Variants in DNAH3 observed in about 807,000 individuals in gnomAD.
DNAH3 encodes the protein axonemal beta dynein heavy chain 3.
Under a neutral mutation model 432.5 loss-of-function variants are expected in DNAH3, and 332 were observed. The ratio of observed to expected loss-of-function variants is 0.77; its 90% CI spans 0.70 to 0.84. The LOEUF (loss-of-function observed/expected upper bound fraction) is 0.84. DNAH3 is among the 40% of genes least tolerant of loss of function. The pLI is 0.00. For missense variants in DNAH3, 4,861 were observed against 5,114.0 expected (o/e 0.95, Z 1.51); for synonymous variants, 1,956 against 1,900.2 (o/e 1.03, Z -0.76).
At chr16:21,108,667 C>A (rs572749087) in intron 14 of DNAH3, among the ~76,000 whole-genome samples, 29 of 152,300 alleles carry the variant, frequency 1.9e-4, no homozygotes, top group African/African-American at 6.0e-4. Flanking sequence ...GACATGAGCC[C>A]AGGAGGTCGA....
chr16:20,953,343 G>T (rs1490473982), intron 55 of DNAH3, among the ~76,000 whole-genome samples: 1 of 152,024 alleles, frequency 6.6e-6, no homozygotes, highest in Non-Finnish European at 1.5e-5. Flanking sequence ...AGTTTTAGTA[G>T]AGACGGGGAT....
intron 56 of DNAH3, among the ~76,000 whole-genome samples, chr16:20,949,486 T>C (rs1315945966): frequency 2.0e-5 from 3 of 152,214 alleles, no homozygotes; most frequent in Non-Finnish European, 4.4e-5. Flanking sequence ...GTGCCTAATT[T>C]ATAAATTAAA....
chr16:21,120,574 G>T, intron 11 of DNAH3: 2 of 637,268 alleles, frequency 3.1e-6, no homozygotes, highest in Non-Finnish European at 5.6e-6. Flanking sequence ...GGCTTAAGGA[G>T]GAAGCTAGGG....
intron 34 of DNAH3, 42 bp from the exon 35 acceptor site, chr16:21,036,890 T>A (rs1343365462): frequency 6.5e-7 from 1 of 1,528,350 alleles, no homozygotes; most frequent in Non-Finnish European, 9.0e-7. Context: ...GGATAAAGTA[T>A]CAGATATATG....
chr16:20,988,891 C>G (rs1335403019), intron 44 of DNAH3, among the ~76,000 whole-genome samples: 1 of 152,076 alleles, frequency 6.6e-6, no homozygotes, highest in Non-Finnish European at 1.5e-5. Context: ...TGCAGACCTT[C>G]GCGGTGAGTG....
chr16:21,059,840 T>C (rs1193045792), intron 26 of DNAH3, among the ~76,000 whole-genome samples: 1 of 151,780 alleles, frequency 6.6e-6, no homozygotes, highest in African/African-American at 2.4e-5. Context: ...ACAGGCTGGG[T>C]ACCAAGTTAT....
At position 21,111,822 on chromosome 16, in the gene DNAH3, T is replaced by C. The variant is rs778890852; in HGVS notation, c.1921-18A>G. 1.9e-6 allele frequency: 3 copies of C among 1,608,860 alleles called. No individual in the cohort carries two copies. Among genetic ancestry groups the C allele is most frequent in the South Asian group, 2.2e-5 (2 of 90,886 alleles). On this transcript the variant is annotated intron_variant, in intron 13 of 61. Coordinates refer to ENST00000261383, the Ensembl canonical transcript of DNAH3. The stretch of plus-strand genomic sequence containing the variant: ...TTGATCTTCTGCAGAAAGGAGCACA[T>C]TCAGTAGCTTGATTTGCCCTTGAGC...
At chr16:21,157,914 G>A (rs960977787) in intron 1 of DNAH3, among the ~76,000 whole-genome samples, 2 of 93,276 alleles carry the variant, frequency 2.1e-5, no homozygotes, top group Admixed American at 1.2e-4. Flanking sequence ...ACAACTGGAG[G>A]TGGGGGGGGG....
chr16:21,153,569 C>A (rs1275649261), intron 1 of DNAH3, among the ~76,000 whole-genome samples: 1 of 152,196 alleles, frequency 6.6e-6, no homozygotes, highest in South Asian at 2.1e-4. Flanking sequence ...TGATCCCCTT[C>A]TACAACGTGG....
chr16:21,112,754 C>T (rs1381781985), intron 12 of DNAH3, among the ~76,000 whole-genome samples: 2 of 152,230 alleles, frequency 1.3e-5, no homozygotes, highest in East Asian at 3.9e-4. Flanking sequence ...CACACATTCC[C>T]ATGCTGCCCA....
intron 39 of DNAH3, among the ~76,000 whole-genome samples, chr16:21,023,789 G>GTGTT (rs1339007134): frequency 6.9e-6 from 1 of 145,864 alleles, no homozygotes; most frequent in African/African-American, 2.5e-5. Flanking sequence ...CTTTTGGGGT[G>GTGTT]TGTGTGTGTG....
intron 1 of DNAH3, among the ~76,000 whole-genome samples, chr16:21,151,586 C>T (rs895516444): frequency 3.9e-5 from 6 of 152,014 alleles, no homozygotes; most frequent in East Asian, 1.9e-4. Context: ...TGAGCCACTG[C>T]GCCCAGCCCA....
intron 31 of DNAH3, among the ~76,000 whole-genome samples, chr16:21,048,284 G>C (rs181743496): frequency 6.6e-6 from 1 of 152,186 alleles, no homozygotes; most frequent in Non-Finnish European, 1.5e-5. Flanking sequence ...CCAGGCTGCC[G>C]TCTTGCAGTT....
chr16:21,069,394 T>C (rs1168870665), intron 23 of DNAH3, 21 bp downstream of exon 23: 2 of 1,604,984 alleles, frequency 1.2e-6, no homozygotes, highest in African/African-American at 2.7e-5. Context: ...TGGTAAGAGT[T>C]ATTAGGGTAT....
chr16:21,140,876 T>A (rs1017654265), intron 4 of DNAH3, among the ~76,000 whole-genome samples, 166 bp from the exon 6 acceptor site: 1 of 152,208 alleles, frequency 6.6e-6, no homozygotes, highest in Admixed American at 6.5e-5. Context: ...CCCTAATGAC[T>A]GAACACCTCA....
chr16:20,963,232 C>T, intron 53 of DNAH3, 52 bp downstream of exon 53: 1 of 1,538,406 alleles, frequency 6.5e-7, no homozygotes, highest in Non-Finnish European at 8.9e-7. Context: ...TACTGATATC[C>T]ACCCACACAT....
chr16:21,029,833 C>CT (rs943466090), intron 37 of DNAH3, among the ~76,000 whole-genome samples: 8 of 151,488 alleles, frequency 5.3e-5, no homozygotes, highest in Non-Finnish European at 7.4e-5. Flanking sequence ...TATGCCCCCA[C>CT]TTTTTTTTTG....
exon 14 of DNAH3, chr16:21,111,799 G>C (rs767204663): frequency 6.2e-7 from 1 of 1,612,798 alleles, no homozygotes; most frequent in Admixed American, 1.7e-5. Flanking sequence ...TTATGGCATT[G>C]ATCTTCTGCA....
intron 58 of DNAH3, among the ~76,000 whole-genome samples, chr16:20,941,879 G>A (rs537812746): frequency 6.6e-5 from 10 of 152,174 alleles, no homozygotes; most frequent in African/African-American, 1.2e-4. Flanking sequence ...GAAACATAGC[G>A]AAACCCAGTT....
Sources: allele counts gnomAD v4.1 joint callset (sites outside exome capture counted in the v4.1 genomes callset), GRCh38; gene constraint gnomAD v4.1.1; transcripts MANE v1.5; gene names NCBI Gene and HGNC (gene_info 2026-07-23, HGNC 2026-07-21).